JADE1: variants seen among roughly 807,000 people sequenced by gnomAD.
JADE1 encodes protein Jade-1.
JADE1 carries 14 observed loss-of-function variants against 81.8 expected under a neutral mutation model. The ratio of observed to expected loss-of-function variants is 0.17; its 90% confidence interval spans 0.11 to 0.27. JADE1 has a LOEUF of 0.27. JADE1 is among the 10% of genes least tolerant of loss of function. The pLI, the probability that JADE1 is intolerant of heterozygous loss-of-function variation, is 1.00. For synonymous variants in JADE1, 353 were observed against 391.9 expected (o/e 0.90, Z 1.17); for missense variants, 690 against 1,047.9 (o/e 0.66, Z 4.71).
At chr4:128,817,288 G>A (rs899504571) in intron 1 of JADE1, among the ~76,000 whole-genome samples, 2 of 60,484 alleles carry the variant, frequency 3.3e-5, no homozygotes, top group Non-Finnish European at 5.1e-5. Flanking sequence ...GAGTCCTCCC[G>A]CCCTGGCTTC....
chr4:128,868,285 A>G (rs1196640940), intron 10 of JADE1, among the ~76,000 whole-genome samples: 2 of 152,036 alleles, frequency 1.3e-5, no homozygotes. Context: ...GAATTGAGAG[A>G]CTAAAATGAA....
intron 5 of JADE1, 54 bp from the exon 6 acceptor site, chr4:128,852,003 A>G (rs1175146691): frequency 6.5e-6 from 7 of 1,076,742 alleles, no homozygotes; most frequent in Non-Finnish European, 7.0e-6. Context: ...CTATTTTGTA[A>G]TATTTATTAA....
At chr4:128,831,885 G>A in intron 2 of JADE1, 75 bp downstream of exon 2, 1 of 1,297,712 alleles carries the variant, frequency 7.7e-7, no homozygotes, top group African/African-American at 1.5e-5. Context: ...TTAATGTAAT[G>A]CTTTAAATTG....
At chr4:128,827,114 T>C (rs1728147673) in intron 1 of JADE1, among the ~76,000 whole-genome samples, 2 of 152,178 alleles carry the variant, frequency 1.3e-5, no homozygotes, top group South Asian at 4.1e-4. Context: ...TCCTTGGTTA[T>C]AAATCTCCAC....
At chr4:128,867,834 A>G (rs753901889) in intron 9 of JADE1, 22 bp from the exon 10 acceptor site, 3 of 1,497,076 alleles carry the variant, frequency 2.0e-6, no homozygotes, top group East Asian at 2.3e-5. Flanking sequence ...CTTACTTAGA[A>G]TCTTTATTCT....
intron 8 of JADE1, among the ~76,000 whole-genome samples, chr4:128,859,677 C>G (rs1016496948): frequency 6.6e-6 from 1 of 152,152 alleles, no homozygotes; most frequent in Non-Finnish European, 1.5e-5. Flanking sequence ...GTGTTCTGAG[C>G]GTAGAATTTA....
At chr4:128,868,902 C>T (rs1731981134) in intron 10 of JADE1, among the ~76,000 whole-genome samples, 1 of 152,178 alleles carries the variant, frequency 6.6e-6, no homozygotes, top group Non-Finnish European at 1.5e-5. Context: ...GTTCTAGCTG[C>T]ACCATTCTTG....
intron 2 of JADE1, among the ~76,000 whole-genome samples, chr4:128,839,127 C>G (rs1729220499): frequency 6.6e-6 from 1 of 152,220 alleles, no homozygotes; most frequent in Non-Finnish European, 1.5e-5. Context: ...TATTGAGAAT[C>G]TGCTGTGTGC....
Position 128,872,185 on chromosome 4 carries a change from G to A in JADE1, c.2452G>A (p.Glu818Lys). The part of the protein sequence containing the change: ...EMSDSESEAS[E>K]KKCIHTSSTI... ...GAGTGACTCAGAGAGTGAGGCATCA[G>A]AAAAGAAATGTATACACACCAGCAG... Residue 818 changes from glutamate to lysine, a missense_variant, in exon 11 of 11, where the codon GAA becomes AAA. By Grantham distance (56) the Glu-to-Lys change is moderately conservative (BLOSUM62 1). This residue lies in a region of JADE1 where 218 missense variants were observed against 274.3 expected (regional missense o/e 0.79). Transcript: ENST00000226319. 1 of 1,614,188 alleles carries A rather than the reference G, an allele frequency of 6.2e-7. No individual in the cohort carries two copies. The highest frequency in any genetic ancestry group is 8.5e-7 in the Non-Finnish European group (1 of 1,180,020).
intron 1 of JADE1, among the ~76,000 whole-genome samples, chr4:128,815,153 G>GCCTCCCTGTAAGCTCCA (rs1726901895): frequency 6.9e-6 from 1 of 144,282 alleles, no homozygotes; most frequent in Non-Finnish European, 1.5e-5. Flanking sequence ...TGTAAGCTCC[G>GCCTCCCTGTAAGCTCCA]CCTCCCTGTA....
chr4:128,820,520 G>A (rs1248882855), intron 1 of JADE1, among the ~76,000 whole-genome samples: 1 of 152,196 alleles, frequency 6.6e-6, no homozygotes, highest in African/African-American at 2.4e-5. Flanking sequence ...TCTAGACCTT[G>A]CTTCTAGGTT....
intron 9 of JADE1, chr4:128,862,526 A>G: frequency 1.6e-6 from 2 of 1,231,318 alleles, no homozygotes; most frequent in African/African-American, 1.5e-5. Context: ...CCATTCCTTC[A>G]TTCTAGAGCT....
At position 128,867,976 on chromosome 4, in the gene JADE1, A is replaced by G; in HGVS notation, c.1621+3A>G. Reference sequence around the variant, plus strand: ...TTTGGAGCAAGAAAGAGTTTCAGGTATGCATTAAGCCCTGGTAGGTCAAAG... The same window carrying G: ...TTTGGAGCAAGAAAGAGTTTCAGGTGTGCATTAAGCCCTGGTAGGTCAAAG... On this transcript the variant is annotated splice_donor_region_variant and intron_variant, in intron 10 of 10. Transcript: ENST00000226319. 1.3e-6 allele frequency: 2 copies of G among 1,560,286 alleles called. No homozygotes were observed.
chr4:128,836,846 G>A (rs1249123472), intron 2 of JADE1, among the ~76,000 whole-genome samples: 2 of 148,176 alleles, frequency 1.3e-5, no homozygotes, highest in Admixed American at 1.4e-4. Flanking sequence ...TGCAACCTCC[G>A]CCTCCCAGGT....
chr4:128,833,589 G>C lies in JADE1; in HGVS notation c.52+1779G>C, dbSNP rs1026468678. Reference sequence around the variant, plus strand: ...GTGTGCCTGTAGTCCAGCTACTCGGGAGGCTGAGGCAGGAGAATCACTTGA... The same window carrying C: ...GTGTGCCTGTAGTCCAGCTACTCGGCAGGCTGAGGCAGGAGAATCACTTGA... On this transcript the variant is annotated intron_variant, in intron 2 of 10. Coordinates refer to ENST00000226319, the MANE Select transcript of JADE1 (RefSeq NM_199320.4). Among the ~76,000 whole-genome samples, 58 of 152,270 alleles carry C rather than the reference G, an allele frequency of 3.8e-4. 2 individuals carry two copies. Among genetic ancestry groups the C allele is most frequent in the Admixed American group, 3.5e-3 (53 of 15,308 alleles).
At chr4:128,844,402 AC>A (rs1185042971) in intron 3 of JADE1, among the ~76,000 whole-genome samples, 6 of 151,892 alleles carry the variant, frequency 4.0e-5, no homozygotes, top group African/African-American at 1.5e-4. Context: ...GCACTAACAT[AC>A]TCTACCAGAG....
chr4:128,866,493 A>G (rs1293777024), intron 9 of JADE1, among the ~76,000 whole-genome samples: 1 of 152,214 alleles, frequency 6.6e-6, no homozygotes, highest in African/African-American at 2.4e-5. Context: ...CCTTCAGCAC[A>G]GCTGGAATTA....
At position 128,846,413 on chromosome 4, in the gene JADE1, T is replaced by A; in HGVS notation, c.177T>A (p.His59Gln). The change falls in exon 4 of 11, where the codon CAT becomes CAA. Residue 59 changes from histidine to glutamine, a missense_variant. Coordinates refer to ENST00000226319, the MANE Select transcript of JADE1 (RefSeq NM_199320.4). This position sits in a 1 kb window ranked among gnomAD's most constrained non-coding sequence, Gnocchi z 4.0. ...ACCTGATCACTGCCATGAAGTTGCA[T>A]GACTCCTACCAGCTGAATCCGGATG... ...RTDLITAMKLHDSYQLNPDEY... is the reference protein window; with the variant it reads ...RTDLITAMKLQDSYQLNPDEY... 2 of 1,614,200 alleles carry A rather than the reference T, an allele frequency of 1.2e-6. No homozygotes were observed. The highest frequency in any genetic ancestry group is 1.7e-6 in the Non-Finnish European group (2 of 1,180,012).
At chr4:128,847,725 A>G (rs2125859036) in intron 4 of JADE1, among the ~76,000 whole-genome samples, 1 of 152,330 alleles carries the variant, frequency 6.6e-6, no homozygotes, top group South Asian at 2.1e-4. Context: ...TGGAGCCCTG[A>G]GCAAGTTGGA....
Sources: gnomAD v4.1 joint callset for allele counts (sites outside exome capture counted in the v4.1 genomes callset) on GRCh38, gnomAD v4.1.1 for gene constraint, gnomAD v4.1.1 regional missense constraint, Gnocchi (gnomAD v3.1) non-coding constraint, MANE v1.5 for transcripts, NCBI Gene and HGNC (gene_info 2026-07-23, HGNC 2026-07-21) for gene names.